Variants in KIN observed in about 807,000 individuals in gnomAD.
KIN encodes Kin17 DNA and RNA binding protein.
A neutral mutation model predicts 63.0 loss-of-function variants in KIN; 47 were observed. The observed-to-expected ratio is 0.75, with a 90% CI of 0.59 to 0.95. The LOEUF (loss-of-function observed/expected upper bound fraction) is 0.95. Among genes scored for constraint, KIN ranks in the 40% least tolerant of loss-of-function variants. The pLI is 0.00. For synonymous variants in KIN, 160 were observed against 157.7 expected, an observed-to-expected ratio of 1.01 and a Z score of -0.11; for missense variants, 408 against 460.9, an observed-to-expected ratio of 0.89 and a Z score of 1.05.
intron 12 of KIN, among the ~76,000 whole-genome samples, chr10:7,757,424 G>A (rs910895234): frequency 6.6e-6 from 1 of 152,020 alleles, no homozygotes; most frequent in East Asian, 1.9e-4. Context: ...TCTTGAACCC[G>A]GAGGCAGAGG....
chr10:7,771,326 T>G (rs151179023), intron 7 of KIN, among the ~76,000 whole-genome samples: 3 of 152,322 alleles, frequency 2.0e-5, no homozygotes, highest in African/African-American at 7.2e-5. Context: ...GGATCACCAC[T>G]TCCTCGTCTC....
In KIN at chr10:7,787,851, C is replaced by A. The variant is rs774292015; in HGVS notation, c.83G>T (p.Cys28Phe). 1 of 1,614,128 alleles carries A rather than the reference C, an allele frequency of 6.2e-7. No individual in the cohort carries two copies. ...CCGGCACTGCTTCTGGCACATCTGG[C>A]AATACCAGCGTAGCTTCTGCAGCCC... ...SKGLQKLRWY[C>F]QMCQKQCRDE... is the part of the protein sequence containing the mutation. Residue 28 changes from cysteine to phenylalanine, a missense_variant, in exon 1 of 13, where the codon TGC becomes TTC. Cys to Phe is a radical substitution (Grantham distance 205). This residue lies in a region of KIN where 110 missense variants were observed against 164.9 expected (regional missense o/e 0.67). Coordinates refer to ENST00000379562, the MANE Select transcript of KIN (RefSeq NM_012311.4).
intron 11 of KIN, among the ~76,000 whole-genome samples, chr10:7,762,245 A>C (rs552364495): frequency 6.6e-6 from 1 of 152,252 alleles, no homozygotes; most frequent in Non-Finnish European, 1.5e-5. Flanking sequence ...TATTCCAGGA[A>C]AGGAAAATCC....
chr10:7,787,260 C>T (rs1026514770), intron 1 of KIN, among the ~76,000 whole-genome samples: 3 of 152,186 alleles, frequency 2.0e-5, no homozygotes, highest in African/African-American at 7.2e-5. Context: ...GTAAGTGGCC[C>T]TGCTTGACTT....
rs139661561 is a variant in KIN at position 7,782,939 on chromosome 10, AAAG to A, written c.209+139_209+141del. On this transcript the variant is annotated intron_variant, in intron 2 of 12. Transcript: ENST00000379562. ...AGTTTTATACTATGATTAATTTTCAAAAGAAGATAAAAACTGAGCATAGAGAGA... is the reference window on the plus strand; with the variant it reads ...AGTTTTATACTATGATTAATTTTCAAAAGATAAAAACTGAGCATAGAGAGA... The A allele has an allele frequency of 9.8e-3, 4,061 of 413,176 alleles. 130 individuals carry two copies. The highest frequency in any genetic ancestry group is 0.066 in the African/African-American group (3,245 of 48,806). 25.6% of individuals were successfully genotyped at this position (413,176 alleles called of 1,614,324 possible).
chr10:7,773,227 A>G (rs1345178423), intron 7 of KIN, among the ~76,000 whole-genome samples: 1 of 152,204 alleles, frequency 6.6e-6, no homozygotes, highest in Non-Finnish European at 1.5e-5. Flanking sequence ...AGCCAGTGAT[A>G]CTGATTCAGA....
chr10:7,779,095 C>T (rs530928131), intron 4 of KIN, 76 bp from the exon 5 acceptor site: 3 of 1,502,116 alleles, frequency 2.0e-6, no homozygotes, highest in Non-Finnish European at 2.7e-6. Context: ...TTCACCTCTG[C>T]ATATTTATTC....
chr10:7,768,265 A>G (rs1441332966), intron 8 of KIN, among the ~76,000 whole-genome samples: 4 of 152,196 alleles, frequency 2.6e-5, no homozygotes, highest in African/African-American at 9.6e-5. Context: ...CACACCTGTA[A>G]TTCCAGCAAT....
At position 7,753,878 on chromosome 10, in the gene KIN, C is replaced by G. The variant is rs1029258000; in HGVS notation, c.*2202G>C. 6.3e-6 allele frequency: 2 copies of G among 316,418 alleles called. No homozygotes were observed. The highest frequency in any genetic ancestry group is 1.3e-5 in the Non-Finnish European group (2 of 155,908). 19.6% of individuals were successfully genotyped at this position (316,418 alleles called of 1,614,324 possible). A position where few individuals can be genotyped will look rare whatever the true frequency, so the allele number is the denominator to read the frequency against. On this transcript the variant is annotated 3_prime_UTR_variant, in exon 13 of 13. Coordinates refer to ENST00000379562, the MANE Select transcript of KIN (RefSeq NM_012311.4). ...CTGCTAACAGCATACGTTCTCCCAT[C>G]TTCTGAGAATAGAAGCAATCAGCCC...
rs1588464919 is a variant in KIN, at chr10:7,751,639, A to G, written c.*4441T>C. 1 of 152,294 alleles carries G rather than the reference A, an allele frequency of 6.6e-6. No individual in the cohort carries two copies. Among genetic ancestry groups the G allele is most frequent in the East Asian group, 1.9e-4 (1 of 5,186 alleles). The allele number at this position is 152,294 out of a possible 1,614,324, so 9.4% of individuals were successfully genotyped here. A position where few individuals can be genotyped will look rare whatever the true frequency, so the allele number is the denominator to read the frequency against. On this transcript the variant is annotated 3_prime_UTR_variant, in exon 13 of 13. Transcript: ENST00000379562. ...TTTTCTTCTTCTATAAGAAGTGCTCACCTATGATACCCTTTTGAAAAACCT... is the reference window on the plus strand; with the variant it reads ...TTTTCTTCTTCTATAAGAAGTGCTCGCCTATGATACCCTTTTGAAAAACCT...
chr10:7,755,739 T>G lies in KIN; in HGVS notation c.*341A>C, dbSNP rs140586004. On this transcript the variant is annotated 3_prime_UTR_variant, in exon 13 of 13. Transcript: ENST00000379562. ...GAGTTCAACTTTACTACTCTACTAC[T>G]GAAAATATAGAGTGTATGAAGGATT... 66 of 165,534 alleles carry G rather than the reference T, an allele frequency of 4.0e-4. No individual in the cohort carries two copies. The highest frequency in any genetic ancestry group is 1.5e-3 in the African/African-American group (65 of 42,152). 10.3% of individuals were successfully genotyped at this position (165,534 alleles called of 1,614,324 possible). A position where few individuals can be genotyped will look rare whatever the true frequency, so the allele number is the denominator to read the frequency against.
chr10:7,785,664 G>C (rs777328684), intron 1 of KIN, among the ~76,000 whole-genome samples: 1 of 152,022 alleles, frequency 6.6e-6, no homozygotes, highest in African/African-American at 2.4e-5. Flanking sequence ...GTGGTGCCAG[G>C]CACCTGTAAT....
chr10:7,775,907 G>T (rs535720764), intron 5 of KIN, 108 bp from the exon 6 acceptor site: 2 of 611,916 alleles, frequency 3.3e-6, no homozygotes, highest in Non-Finnish European at 5.7e-6. Flanking sequence ...GCTCTAATAC[G>T]CAAGTGATTA....
intron 7 of KIN, among the ~76,000 whole-genome samples, chr10:7,771,776 T>A (rs989272861): frequency 1.5e-4 from 22 of 151,530 alleles, no homozygotes; most frequent in Non-Finnish European, 2.4e-4. Context: ...ATGCCTGTAC[T>A]CCCAGCTACT....
At chr10:7,784,933 T>C (rs1479469822) in intron 1 of KIN, among the ~76,000 whole-genome samples, 1 of 152,158 alleles carries the variant, frequency 6.6e-6, no homozygotes, top group Non-Finnish European at 1.5e-5. Flanking sequence ...TGATGCTATA[T>C]GAGATATACA....
In KIN at chr10:7,787,942, C is replaced by G. The variant is rs1051905616; in HGVS notation, c.-9G>C. 6.3e-7 allele frequency: 1 copy of G among 1,595,074 alleles called. No individual in the cohort carries two copies. The highest frequency in any genetic ancestry group is 8.6e-7 in the Non-Finnish European group (1 of 1,162,706). On this transcript the variant is annotated 5_prime_UTR_variant, in exon 1 of 13. Coordinates refer to ENST00000379562, the MANE Select transcript of KIN (RefSeq NM_012311.4). ...AAATCCGACTTCCCCATGGCGACCA[C>G]GGCAGCGATCACTTTCTGGACCCCA...
In KIN at chr10:7,787,847, C is replaced by G; in HGVS notation, c.87G>C (p.Gln29His). ...CGTCCCGGCACTGCTTCTGGCACAT[C>G]TGGCAATACCAGCGTAGCTTCTGCA... is the stretch of plus-strand genomic sequence containing the variant. Reference protein sequence around the residue: ...KGLQKLRWYCQMCQKQCRDEN... With the variant: ...KGLQKLRWYCHMCQKQCRDEN... The change falls in exon 1 of 13, where the codon CAG becomes CAC. Residue 29 changes from glutamine (Q) to histidine (H), a missense_variant. Around this residue, in one of 2 missense-constraint regions of KIN, gnomAD observed 110 missense variants for 164.9 expected, o/e 0.67. Coordinates refer to ENST00000379562, the MANE Select transcript of KIN (RefSeq NM_012311.4). 6.2e-7 allele frequency: 1 copy of G among 1,614,120 alleles called. No homozygotes were observed. The highest frequency in any genetic ancestry group is 8.5e-7 in the Non-Finnish European group (1 of 1,179,952).
chr10:7,765,123 C>A (rs1009883281), intron 9 of KIN, among the ~76,000 whole-genome samples: 2 of 144,302 alleles, frequency 1.4e-5, no homozygotes, highest in Non-Finnish European at 3.0e-5. Context: ...CGTGCCATTG[C>A]ACTCCAGCCT....
chr10:7,787,752 G>A, intron 1 of KIN, 68 bp downstream of exon 1: 1 of 1,264,284 alleles, frequency 7.9e-7, no homozygotes, highest in Non-Finnish European at 1.2e-6. Context: ...TCAGCCCCGC[G>A]TCCAGGACCT....
Sources: allele counts gnomAD v4.1 joint callset (sites outside exome capture counted in the v4.1 genomes callset), GRCh38; gene constraint gnomAD v4.1.1; regional missense constraint gnomAD v4.1.1; transcripts MANE v1.5; gene names NCBI Gene and HGNC (gene_info 2026-07-23, HGNC 2026-07-21).